Variants in NALF1 observed in about 807,000 individuals in gnomAD.
NALF1 encodes the protein NALCN channel auxiliary factor 1.
A neutral mutation model predicts 48.4 loss-of-function variants in NALF1; 3 were observed. The observed-to-expected ratio is 0.06, with a 90% CI of 0.03 to 0.16. The LOEUF is 0.16. Ranked by LOEUF, NALF1 falls within the 10% of genes least tolerant of loss-of-function variation. The pLI, the probability that NALF1 is intolerant of heterozygous loss-of-function variation, is 1.00. For missense variants in NALF1, 526 were observed against 571.5 expected, an observed-to-expected ratio of 0.92 and a Z score of 0.81; for synonymous variants, 262 against 245.7, an observed-to-expected ratio of 1.07 and a Z score of -0.62.
chr13:107,188,889 T>A (rs142150022), intron 2 of NALF1, among the ~76,000 whole-genome samples: 356 of 152,122 alleles, frequency 2.3e-3, no homozygotes, highest in African/African-American at 8.2e-3. Context: ...AGCCTAAGAG[T>A]AAAATGTAAT....
chr13:107,403,988 G>C (rs1316821371), intron 1 of NALF1, among the ~76,000 whole-genome samples: 1 of 152,026 alleles, frequency 6.6e-6, no homozygotes, highest in Non-Finnish European at 1.5e-5. Flanking sequence ...TTTTTAACCT[G>C]TATTTTCATG....
chr13:107,176,460 G>A (rs1462386589), intron 2 of NALF1, among the ~76,000 whole-genome samples: 1 of 151,820 alleles, frequency 6.6e-6, no homozygotes, highest in African/African-American at 2.4e-5. Context: ...GGCTAACACG[G>A]TGAAACCCCA....
chr13:107,629,712 A>T (rs1879781646), intron 1 of NALF1, among the ~76,000 whole-genome samples: 1 of 152,206 alleles, frequency 6.6e-6, no homozygotes, highest in South Asian at 2.1e-4. Context: ...ACCAACTCTT[A>T]TAAATGCTAC....
intron 1 of NALF1, among the ~76,000 whole-genome samples, chr13:107,740,059 T>C (rs1386413512): frequency 1.3e-5 from 2 of 152,144 alleles, no homozygotes; most frequent in Non-Finnish European, 2.9e-5. Flanking sequence ...ATAAGTGTAA[T>C]CCACTTGAAT....
In NALF1 at chr13:107,513,434, C is replaced by T. The variant is rs190803146; in HGVS notation, c.916-302679G>A. ...GTACTCAGCAAGTCTTCCATATTTC[C>T]TTGCCTCAGAGGAGGTTTGTACTGT... On this transcript the variant is annotated intron_variant, in intron 1 of 2. Transcript: ENST00000375915. Among the ~76,000 whole-genome samples, 38 of 152,152 alleles carry T rather than the reference C, an allele frequency of 2.5e-4. 1 individual carries two copies. The highest frequency in any genetic ancestry group is 8.9e-4 in the African/African-American group (37 of 41,524).
chr13:107,497,700 C>A (rs774245645), intron 1 of NALF1, among the ~76,000 whole-genome samples: 1 of 152,296 alleles, frequency 6.6e-6, no homozygotes, highest in Non-Finnish European at 1.5e-5. Flanking sequence ...ACTGGATTGA[C>A]ATTATAGATA....
intron 1 of NALF1, among the ~76,000 whole-genome samples, chr13:107,496,780 A>G (rs1875352528): frequency 6.6e-6 from 1 of 152,182 alleles, no homozygotes; most frequent in African/African-American, 2.4e-5. Flanking sequence ...CACATCTTAG[A>G]TGGATGGGAG....
intron 1 of NALF1, among the ~76,000 whole-genome samples, chr13:107,625,668 A>C (rs968933998): frequency 6.6e-6 from 1 of 152,090 alleles, no homozygotes; most frequent in African/African-American, 2.4e-5. Flanking sequence ...CCATTCCCTC[A>C]TATAGCCATT....
At chr13:107,247,359 T>C (rs1232154289) in intron 1 of NALF1, among the ~76,000 whole-genome samples, 1 of 152,220 alleles carries the variant, frequency 6.6e-6, no homozygotes, top group East Asian at 1.9e-4. Context: ...AAAATCTGTG[T>C]GCTTGCATTA....
At chr13:107,723,667 T>C (rs1166872896) in intron 1 of NALF1, among the ~76,000 whole-genome samples, 2 of 152,078 alleles carry the variant, frequency 1.3e-5, no homozygotes, top group East Asian at 1.9e-4. Context: ...CTGAGGGCAA[T>C]AGGGCCCGAT....
At chr13:107,652,218 T>C (rs908095442) in intron 1 of NALF1, among the ~76,000 whole-genome samples, 6 of 152,140 alleles carry the variant, frequency 3.9e-5, no homozygotes, top group Non-Finnish European at 5.9e-5. Flanking sequence ...CCTAAGGATT[T>C]AACTCTGTCC....
At chr13:107,567,971 T>C (rs1594133840) in intron 1 of NALF1, among the ~76,000 whole-genome samples, 1 of 152,220 alleles carries the variant, frequency 6.6e-6, no homozygotes, top group African/African-American at 2.4e-5. Flanking sequence ...GTTCTCTTTT[T>C]ATTTATTGTT....
chr13:107,481,995 T>C (rs1442656251), intron 1 of NALF1, among the ~76,000 whole-genome samples: 3 of 152,174 alleles, frequency 2.0e-5, no homozygotes, highest in African/African-American at 2.4e-5. Flanking sequence ...TAAGTTTATG[T>C]GTCAACTTGG....
At position 107,738,795 on chromosome 13, in the gene NALF1, G is replaced by C. The variant is rs549325971; in HGVS notation, c.915+126887C>G. ...GATTCTGCCTCAGCCTCCCGAGTAG[G>C]TGGGACTACAGGTGCCTGCCAGCAT... On this transcript the variant is annotated intron_variant, in intron 1 of 2. Coordinates refer to ENST00000375915, the MANE Select transcript of NALF1 (RefSeq NM_001080396.3). 2.8e-4 allele frequency among the ~76,000 whole-genome samples: 42 copies of C among 151,960 alleles called. No individual in the cohort carries two copies. The East Asian group carries it at 8.2e-3, about 30-fold the overall frequency.
At chr13:107,558,271 C>T (rs954622017) in intron 1 of NALF1, among the ~76,000 whole-genome samples, 2 of 151,928 alleles carry the variant, frequency 1.3e-5, no homozygotes, top group African/African-American at 4.8e-5. Flanking sequence ...TTTTATTTGA[C>T]ATATTTTCAT....
intron 1 of NALF1, among the ~76,000 whole-genome samples, chr13:107,570,551 ATTT>A (rs922148825): frequency 7.0e-6 from 1 of 142,510 alleles, no homozygotes; most frequent in Non-Finnish European, 1.5e-5. Context: ...CTCCATATTT[ATTT>A]TTTTCTTTTA....
rs548436578 is a variant in NALF1, at chr13:107,580,584, G to A, written c.915+285098C>T. Among the ~76,000 whole-genome samples, 6 of 151,972 alleles carry A rather than the reference G, an allele frequency of 3.9e-5. No individual in the cohort carries two copies. The East Asian group carries it at 5.8e-4, about 15-fold the overall frequency. ...CTCTTTACTCTCTCATATTATTTTC[G>A]GTATGTCAGATTTTTGACTCTTTCC... On this transcript the variant is annotated intron_variant, in intron 1 of 2. Coordinates refer to ENST00000375915, the MANE Select transcript of NALF1 (RefSeq NM_001080396.3).
At chr13:107,530,184 A>G (rs1456005673) in intron 1 of NALF1, among the ~76,000 whole-genome samples, 1 of 152,024 alleles carries the variant, frequency 6.6e-6, no homozygotes, top group Non-Finnish European at 1.5e-5. Context: ...GCTCAGTCTT[A>G]TGCTTTATAG....
chr13:107,846,015 AG>A (rs1441732324), intron 1 of NALF1, among the ~76,000 whole-genome samples: 1 of 151,968 alleles, frequency 6.6e-6, no homozygotes, highest in African/African-American at 2.4e-5. Flanking sequence ...TCATAAGCAA[AG>A]CCCTGAAATG....
Sources: gnomAD v4.1 joint callset for allele counts (sites outside exome capture counted in the v4.1 genomes callset) on GRCh38, gnomAD v4.1.1 for gene constraint, MANE v1.5 for transcripts, NCBI Gene and HGNC (gene_info 2026-07-23, HGNC 2026-07-21) for gene names.